Variants in ARSB observed in about 807,000 individuals in gnomAD.
The protein encoded by ARSB is arylsulfatase B.
In ARSB, 41 loss-of-function variants were observed where a neutral mutation model predicts 50.9. The observed-to-expected ratio is 0.81, with a 90% confidence interval of 0.63 to 1.04. ARSB has a LOEUF of 1.04. ARSB is among the 50% of genes least tolerant of loss of function. The pLI, the probability that ARSB is intolerant of heterozygous loss-of-function variation, is 0.00. For synonymous variants in ARSB, 269 were observed against 284.8 expected (o/e 0.94, Z 0.56); for missense variants, 672 against 693.3 (o/e 0.97, Z 0.35).
intron 6 of ARSB, among the ~76,000 whole-genome samples, chr5:78,813,179 C>T (rs1459362199): frequency 1.3e-5 from 2 of 152,088 alleles, no homozygotes. Context: ...ATTCTCCTGC[C>T]TCAGCCTCCC....
intron 6 of ARSB, among the ~76,000 whole-genome samples, chr5:78,796,468 G>A (rs1743180266): frequency 6.6e-6 from 1 of 152,220 alleles, no homozygotes; most frequent in African/African-American, 2.4e-5. Flanking sequence ...CAATGCAATA[G>A]GTAAAGAAAG....
intron 2 of ARSB, among the ~76,000 whole-genome samples, chr5:78,967,957 G>A (rs1580141229): frequency 1.3e-5 from 2 of 152,238 alleles, no homozygotes; most frequent in Middle Eastern, 6.8e-3. Flanking sequence ...ATAGCTACTG[G>A]CAAGATACAC....
At chr5:78,937,688 C>G (rs1750699510) in intron 4 of ARSB, among the ~76,000 whole-genome samples, 1 of 151,244 alleles carries the variant, frequency 6.6e-6, no homozygotes. Flanking sequence ...ATTATGAATT[C>G]AATGGTTTGA....
intron 6 of ARSB, among the ~76,000 whole-genome samples, chr5:78,835,064 G>A (rs1744891074): frequency 6.7e-6 from 1 of 149,742 alleles, no homozygotes; most frequent in Non-Finnish European, 1.5e-5. Context: ...GCATCCTTGA[G>A]ACTTTATGCT....
chr5:78,828,469 C>T (rs1744533203), intron 6 of ARSB, among the ~76,000 whole-genome samples: 1 of 152,116 alleles, frequency 6.6e-6, no homozygotes, highest in Non-Finnish European at 1.5e-5. Context: ...TGGTCTTTTC[C>T]ACCTAGGAAC....
At chr5:78,901,729 CT>C (rs1318009631) in intron 4 of ARSB, among the ~76,000 whole-genome samples, 1 of 152,116 alleles carries the variant, frequency 6.6e-6, no homozygotes, top group African/African-American at 2.4e-5. Context: ...AGACATTTCT[CT>C]AAAGAAGATA....
chr5:78,897,984 C>A (rs1748647229), intron 4 of ARSB, among the ~76,000 whole-genome samples: 1 of 152,112 alleles, frequency 6.6e-6, no homozygotes, highest in Non-Finnish European at 1.5e-5. Flanking sequence ...AACCTCCCCA[C>A]AGGCCGGGTG....
intron 4 of ARSB, among the ~76,000 whole-genome samples, chr5:78,934,153 T>G (rs1162422308): frequency 6.6e-6 from 1 of 152,200 alleles, no homozygotes; most frequent in South Asian, 2.1e-4. Flanking sequence ...AATAGCCCAA[T>G]GCTTACTTTA....
chr5:78,842,743 T>G (rs1745280068), intron 5 of ARSB, among the ~76,000 whole-genome samples: 1 of 151,322 alleles, frequency 6.6e-6, no homozygotes, highest in African/African-American at 2.4e-5. Context: ...ATGCCTGGTG[T>G]GTGGTGAGTT....
chr5:78,920,926 A>G (rs1461380227), intron 4 of ARSB, among the ~76,000 whole-genome samples: 1 of 151,924 alleles, frequency 6.6e-6, no homozygotes, highest in Non-Finnish European at 1.5e-5. Flanking sequence ...AGACTATACT[A>G]CTTGATTACA....
chr5:78,960,935 G>C (rs1751955715), intron 3 of ARSB, among the ~76,000 whole-genome samples: 1 of 152,100 alleles, frequency 6.6e-6, no homozygotes, highest in Non-Finnish European at 1.5e-5. Context: ...CACTAGTATG[G>C]GGAATTATCC....
At chr5:78,852,936 G>A (rs1199203921) in intron 5 of ARSB, among the ~76,000 whole-genome samples, 3 of 151,886 alleles carry the variant, frequency 2.0e-5, no homozygotes, top group East Asian at 3.8e-4. Context: ...CTCTGTATTG[G>A]TTATTCTAGT....
intron 7 of ARSB, 122 bp from the exon 8 acceptor site, chr5:78,780,784 G>T: frequency 8.6e-7 from 1 of 1,167,520 alleles, no homozygotes; most frequent in Non-Finnish European, 1.2e-6. Context: ...AAAAGATGCG[G>T]CCCTAGATGC....
intron 4 of ARSB, among the ~76,000 whole-genome samples, chr5:78,936,762 T>C (rs1362903743): frequency 1.3e-5 from 2 of 152,152 alleles, no homozygotes; most frequent in East Asian, 3.8e-4. Context: ...CTTGTCCAAA[T>C]AGGAGTCCTA....
intron 5 of ARSB, among the ~76,000 whole-genome samples, chr5:78,858,274 T>G (rs1746254731): frequency 1.3e-5 from 2 of 152,222 alleles, no homozygotes; most frequent in African/African-American, 4.8e-5. Context: ...CTTCACCCTC[T>G]TCTCTTGAAA....
At chr5:78,944,969 T>G (rs1396247538) in intron 4 of ARSB, among the ~76,000 whole-genome samples, 1 of 152,138 alleles carries the variant, frequency 6.6e-6, no homozygotes, top group African/African-American at 2.4e-5. Flanking sequence ...ACTCAAGCCT[T>G]GGCAATGGTG....
chr5:78,792,377 G>A (rs1402782878), intron 6 of ARSB, among the ~76,000 whole-genome samples: 2 of 133,970 alleles, frequency 1.5e-5, no homozygotes, highest in East Asian at 2.1e-4. Context: ...AGAATCTGTC[G>A]CAAAAAAAAA....
At chr5:78,795,482 C>T (rs1038776708) in intron 6 of ARSB, among the ~76,000 whole-genome samples, 7 of 152,162 alleles carry the variant, frequency 4.6e-5, no homozygotes, top group Admixed American at 1.3e-4. Flanking sequence ...TGCCACCCCT[C>T]GGGGCCTGTG....
At chr5:78,837,556 T>G (rs1392359386) in intron 6 of ARSB, among the ~76,000 whole-genome samples, 1 of 152,212 alleles carries the variant, frequency 6.6e-6, no homozygotes, top group East Asian at 1.9e-4. Flanking sequence ...AAGTCACTTA[T>G]GTAAGTTAAT....
Sources: gnomAD v4.1 joint callset for allele counts (sites outside exome capture counted in the v4.1 genomes callset) on GRCh38, gnomAD v4.1.1 for gene constraint, MANE v1.5 for transcripts, NCBI Gene and HGNC (gene_info 2026-07-23, HGNC 2026-07-21) for gene names.